MAPK6: variants seen among roughly 807,000 people sequenced by gnomAD.
MAPK6 encodes ERK-3.
MAPK6 carries 19 observed loss-of-function variants against 59.3 expected under a neutral mutation model. That is an observed-to-expected ratio of 0.32 (90% CI 0.22 to 0.47). MAPK6 has a LOEUF of 0.47. Ranked by LOEUF, MAPK6 falls within the 20% of genes least tolerant of loss-of-function variation. MAPK6 has a pLI of 1.00. For synonymous variants in MAPK6, 316 were observed against 290.3 expected (o/e 1.09, Z -0.90); for missense variants, 724 against 847.9 (o/e 0.85, Z 1.81).
At chr15:51,974,482 G>A (rs941129093) in intron 1 of MAPK6, among the ~76,000 whole-genome samples, 3 of 150,380 alleles carry the variant, frequency 2.0e-5, no homozygotes, top group East Asian at 2.0e-4. Context: ...CAGTGACCCC[G>A]TCTCTACTAA....
chr15:51,992,938 T>C (rs541210519), intron 2 of MAPK6, among the ~76,000 whole-genome samples: 1 of 152,240 alleles, frequency 6.6e-6, no homozygotes, highest in African/African-American at 2.4e-5. Flanking sequence ...CTCCAAATCC[T>C]GTCCCTTTGG....
At chr15:52,040,965 C>T (rs971464054) in intron 1 of MAPK6, among the ~76,000 whole-genome samples, 3 of 152,102 alleles carry the variant, frequency 2.0e-5, no homozygotes, top group East Asian at 1.9e-4. Context: ...AAAACAATAT[C>T]GAACCAGCTA....
At chr15:52,006,042 A>G (rs1167089723) in intron 3 of MAPK6, among the ~76,000 whole-genome samples, 1 of 152,196 alleles carries the variant, frequency 6.6e-6, no homozygotes, top group Non-Finnish European at 1.5e-5. Context: ...ATGGCAAATG[A>G]GTTTCATTCT....
upstream of MAPK6, among the ~76,000 whole-genome samples, chr15:52,016,070 G>GCGCGCGCGGACA: frequency 6.1e-4 from 34 of 55,392 alleles, 1 homozygote; most frequent in Non-Finnish European, 8.8e-4. Flanking sequence ...GCGCGCGCGC[G>GCGCGCGCGGACA]CACACACACA....
intron 1 of MAPK6, among the ~76,000 whole-genome samples, chr15:52,045,226 C>G (rs1451880718): frequency 6.6e-6 from 1 of 152,190 alleles, no homozygotes; most frequent in Non-Finnish European, 1.5e-5. Flanking sequence ...ACTCCTCAGA[C>G]TTGACATTAA....
intron 4 of MAPK6, among the ~76,000 whole-genome samples, chr15:52,059,935 A>G (rs781419442): frequency 4.6e-5 from 7 of 152,222 alleles, no homozygotes; most frequent in Non-Finnish European, 7.3e-5. Flanking sequence ...ACATGTTCTC[A>G]CCCCACATTC....
chr15:51,996,116 C>T (rs2057223483), intron 2 of MAPK6, among the ~76,000 whole-genome samples: 1 of 152,138 alleles, frequency 6.6e-6, no homozygotes, highest in Non-Finnish European at 1.5e-5. Context: ...GCTGTATTAT[C>T]CATTTACCTT....
intron 2 of MAPK6, among the ~76,000 whole-genome samples, chr15:51,993,022 AC>A (rs1420615784): frequency 6.6e-6 from 1 of 151,548 alleles, no homozygotes; most frequent in Non-Finnish European, 1.5e-5. Flanking sequence ...TCAACCTTCA[AC>A]CTCTCTCCCC....
chr15:52,012,824 T>C (rs2030090767), intron 3 of MAPK6, among the ~76,000 whole-genome samples: 1 of 150,744 alleles, frequency 6.6e-6, no homozygotes, highest in African/African-American at 2.4e-5. Flanking sequence ...TCGTCTTTAC[T>C]AAAAATACAA....
Position 51,990,504 on chromosome 15 carries a change from G to A in MAPK6, c.-770+7189G>A, listed in dbSNP as rs192144470. Among the ~76,000 whole-genome samples the A allele has an allele frequency of 1.6e-3, 246 of 152,328 alleles. 2 individuals are homozygous for A. The highest frequency in any genetic ancestry group is 5.5e-3 in the African/African-American group (230 of 41,570). On this transcript the variant is annotated intron_variant, in intron 2 of 7. Transcript: ENST00000691380. ...AACTTTAAAAGTTAGAATGGTATAT[G>A]ATTTGGGCAGGATAAAAATATGGGC...
intron 3 of MAPK6, 106 bp from the exon 4 acceptor site, chr15:52,058,527 C>A: frequency 1.1e-6 from 1 of 935,846 alleles, no homozygotes; most frequent in South Asian, 2.1e-5. Context: ...ACAATTCAAA[C>A]TTTTCCCCCC....
At chr15:52,053,209 G>A (rs1731846690) in intron 3 of MAPK6, among the ~76,000 whole-genome samples, 1 of 152,000 alleles carries the variant, frequency 6.6e-6, no homozygotes, top group South Asian at 2.1e-4. Context: ...GAGTAGCTGG[G>A]ATTACAAAGG....
intron 3 of MAPK6, among the ~76,000 whole-genome samples, chr15:52,005,425 G>T (rs2057255361): frequency 6.6e-6 from 1 of 152,074 alleles, no homozygotes; most frequent in Non-Finnish European, 1.5e-5. Flanking sequence ...TACTCAGGAG[G>T]CTGAGGCAGG....
chr15:51,989,162 C>A (rs2057200718), intron 2 of MAPK6, among the ~76,000 whole-genome samples: 1 of 151,000 alleles, frequency 6.6e-6, no homozygotes, highest in Admixed American at 6.6e-5. Flanking sequence ...TCACTGTAAC[C>A]TCTGCTTTCC....
chr15:52,014,439 G>A (rs541332345), upstream of MAPK6, among the ~76,000 whole-genome samples: 5 of 152,128 alleles, frequency 3.3e-5, no homozygotes, highest in South Asian at 2.1e-4. Context: ...GCCCAGGTGC[G>A]GTGGCTCATC....
chr15:52,020,162 C>G (rs1305760017), intron 1 of MAPK6: 2 of 152,214 alleles, frequency 1.3e-5, no homozygotes, highest in African/African-American at 4.8e-5. Context: ...GTCGGTTCAC[C>G]AAAAAGGGCC....
At chr15:52,050,612 T>A (rs2031746320) in intron 3 of MAPK6, among the ~76,000 whole-genome samples, 1 of 152,208 alleles carries the variant, frequency 6.6e-6, no homozygotes, top group East Asian at 1.9e-4. Flanking sequence ...ATGAAAAATG[T>A]CTTGTGTCAT....
intron 3 of MAPK6, among the ~76,000 whole-genome samples, chr15:52,009,009 T>A (rs17540171): frequency 0.015 from 2,321 of 152,286 alleles, 34 homozygotes; most frequent in Middle Eastern, 0.044. Context: ...AAGCCTACCA[T>A]ATGATATACT....
chr15:52,041,393 T>C (rs754362670), intron 1 of MAPK6, among the ~76,000 whole-genome samples: 79 of 152,078 alleles, frequency 5.2e-4, no homozygotes, highest in Non-Finnish European at 7.4e-5. Context: ...ATGGGGTTTC[T>C]CCACGTTGAT....
Sources: allele counts gnomAD v4.1 joint callset (sites outside exome capture counted in the v4.1 genomes callset), GRCh38; gene constraint gnomAD v4.1.1; transcripts MANE v1.5; gene names NCBI Gene and HGNC (gene_info 2026-07-23, HGNC 2026-07-21).